The following STPG2 variants were observed in gnomAD, a reference collection of about 807,000 sequenced individuals.
The protein encoded by STPG2 is sperm-tail PG-rich repeat-containing protein 2.
Under a neutral mutation model 54.2 loss-of-function variants are expected in STPG2, and 56 were observed. The ratio of observed to expected loss-of-function variants is 1.03; its 90% CI spans 0.83 to 1.29. The LOEUF (loss-of-function observed/expected upper bound fraction) is 1.29. Among genes scored for constraint, STPG2 ranks in the 50% most tolerant of loss-of-function variants. The probability of loss-of-function intolerance (pLI) is 0.00; values close to 1 mark genes in which losing one functional copy is unlikely to be tolerated. For synonymous variants in STPG2, 200 were observed against 181.8 expected (o/e 1.10, Z -0.81); for missense variants, 596 against 544.9 (o/e 1.09, Z -0.93).
At chr4:97,903,203 T>C (rs1195993931) in intron 8 of STPG2, among the ~76,000 whole-genome samples, 2 of 152,066 alleles carry the variant, frequency 1.3e-5, no homozygotes, top group Non-Finnish European at 2.9e-5. Flanking sequence ...AGAGAATAGA[T>C]CTCAATTATT....
At chr4:97,991,125 T>G (rs889442466) in intron 5 of STPG2, among the ~76,000 whole-genome samples, 1 of 152,026 alleles carries the variant, frequency 6.6e-6, no homozygotes, top group African/African-American at 2.4e-5. Context: ...CTTTGAGTCC[T>G]CATACCTTAG....
At chr4:97,518,779 A>G (rs995901057) in intron 4 of STPG2, among the ~76,000 whole-genome samples, 3 of 152,058 alleles carry the variant, frequency 2.0e-5, no homozygotes, top group African/African-American at 7.2e-5. Flanking sequence ...TTCTGTCAAA[A>G]ATAATAAATG....
At chr4:97,716,742 G>T (rs1193053350) in intron 9 of STPG2, among the ~76,000 whole-genome samples, 1 of 151,734 alleles carries the variant, frequency 6.6e-6, no homozygotes, top group Non-Finnish European at 1.5e-5. Flanking sequence ...AACATTAGGA[G>T]AAATACCTAA....
rs3047345 is a variant in STPG2 at position 97,981,833 on chromosome 4, T to TTATATATATA, written c.613-525_613-516dup. 2.4e-3 allele frequency among the ~76,000 whole-genome samples: 342 copies of TTATATATATA among 143,360 alleles called. 1 individual carries two copies. The highest frequency in any genetic ancestry group is 7.8e-3 in the African/African-American group (306 of 39,094). The allele number at this position is 143,360 out of a possible 152,430, so 94.0% of individuals were successfully genotyped here. Reference sequence around the variant, plus strand: ...TATTAACATTATATATATAAAATGTTTATATATATATATATATATATAACT... The same window carrying TTATATATATA: ...TATTAACATTATATATATAAAATGTTTATATATATATATATATATATATATATATATAACT... On this transcript the variant is annotated intron_variant, in intron 5 of 10. Transcript: ENST00000295268.
At chr4:97,595,343 C>T (rs900193835) in intron 10 of STPG2, among the ~76,000 whole-genome samples, 2 of 144,886 alleles carry the variant, frequency 1.4e-5, no homozygotes, top group Non-Finnish European at 2.9e-5. Context: ...AGCGAACTAT[C>T]GCAAGGACAA....
At chr4:97,842,194 G>T (rs1395218717) in intron 8 of STPG2, among the ~76,000 whole-genome samples, 1 of 151,646 alleles carries the variant, frequency 6.6e-6, no homozygotes, top group Admixed American at 6.6e-5. Context: ...TAGGGGAGGG[G>T]ATTCTTACAT....
intron 4 of STPG2, among the ~76,000 whole-genome samples, chr4:97,527,136 C>T (rs1482660619): frequency 6.6e-6 from 1 of 151,928 alleles, no homozygotes; most frequent in African/African-American, 2.4e-5. Flanking sequence ...TCTCCTAGTG[C>T]TATCCCTCCC....
At chr4:97,736,722 G>A (rs1390682093) in intron 9 of STPG2, among the ~76,000 whole-genome samples, 3 of 152,216 alleles carry the variant, frequency 2.0e-5, no homozygotes, top group Non-Finnish European at 4.4e-5. Flanking sequence ...CGAACTGGGT[G>A]GAGCCCACCA....
In STPG2 at chr4:97,848,509, G is replaced by A. The variant is rs115977559; in HGVS notation, c.1045-7577C>T. 4.4e-3 allele frequency among the ~76,000 whole-genome samples: 657 copies of A among 150,514 alleles called. 5 individuals are homozygous for A. Among genetic ancestry groups the A allele is most frequent in the African/African-American group, 0.016 (627 of 39,960 alleles). On this transcript the variant is annotated intron_variant, in intron 8 of 10. Transcript: ENST00000295268. ...TATACAAGCTCCATAATATCATCAA[G>A]TATTTATAGGTCCTTTCATGTTTTT...
intron 10 of STPG2, among the ~76,000 whole-genome samples, chr4:97,634,588 T>C (rs1284120508): frequency 6.7e-6 from 1 of 149,912 alleles, no homozygotes; most frequent in Non-Finnish European, 1.5e-5. Flanking sequence ...GTTGAAAACT[T>C]TGAAAAAAAT....
At chr4:97,491,518 A>C (rs1730503240) in intron 4 of STPG2, among the ~76,000 whole-genome samples, 1 of 151,508 alleles carries the variant, frequency 6.6e-6, no homozygotes, top group African/African-American at 2.4e-5. Flanking sequence ...ACATAGAAAG[A>C]AATGGCCTCT....
intron 4 of STPG2, among the ~76,000 whole-genome samples, chr4:97,446,652 T>G (rs1436158999): frequency 6.6e-6 from 1 of 152,112 alleles, no homozygotes; most frequent in Non-Finnish European, 1.5e-5. Context: ...TCTCATGACA[T>G]TGACTAAGTT....
chr4:97,908,543 C>T (rs1410413057), intron 8 of STPG2, among the ~76,000 whole-genome samples: 1 of 152,158 alleles, frequency 6.6e-6, no homozygotes, highest in South Asian at 2.1e-4. Context: ...ATAAATCATG[C>T]TGCTATAAAG....
intron 4 of STPG2, among the ~76,000 whole-genome samples, chr4:97,468,916 C>G (rs1178075943): frequency 6.6e-6 from 1 of 151,996 alleles, no homozygotes; most frequent in Non-Finnish European, 1.5e-5. Context: ...CACAAGCTCT[C>G]CCCCCTTGAT....
chr4:97,916,992 G>C (rs1731904401), intron 8 of STPG2: 1 of 152,728 alleles, frequency 6.5e-6, no homozygotes. Context: ...TTCTTGTAGG[G>C]AGAACTTTTC....
intron 9 of STPG2, among the ~76,000 whole-genome samples, chr4:97,781,013 T>G (rs1337008118): frequency 1.3e-5 from 2 of 151,664 alleles, no homozygotes; most frequent in African/African-American, 4.8e-5. Context: ...AACATCAAAA[T>G]TAAAAGAACT....
At chr4:97,743,642 G>T (rs1025103808) in intron 9 of STPG2, among the ~76,000 whole-genome samples, 2 of 151,548 alleles carry the variant, frequency 1.3e-5, no homozygotes, top group African/African-American at 4.8e-5. Flanking sequence ...TGCTAGAGGG[G>T]ATACAAAGAG....
intron 8 of STPG2, among the ~76,000 whole-genome samples, chr4:97,906,597 C>T: frequency 6.6e-6 from 1 of 152,134 alleles, no homozygotes; most frequent in East Asian, 1.9e-4. Flanking sequence ...CCTTGATGAA[C>T]ATTGATGCAA....
intron 9 of STPG2, among the ~76,000 whole-genome samples, chr4:97,824,231 C>A (rs1728181643): frequency 6.6e-6 from 1 of 152,102 alleles, no homozygotes; most frequent in Non-Finnish European, 1.5e-5. Context: ...TTTCTCTGGC[C>A]TCCCTGAGCT....
Sources: gnomAD v4.1 joint callset for allele counts (sites outside exome capture counted in the v4.1 genomes callset) on GRCh38, gnomAD v4.1.1 for gene constraint, MANE v1.5 for transcripts, NCBI Gene and HGNC (gene_info 2026-07-23, HGNC 2026-07-21) for gene names.